NPAS3: variants seen among roughly 807,000 people sequenced by gnomAD.
NPAS3 encodes the protein neuronal PAS domain protein 3.
Under a neutral mutation model 73.1 loss-of-function variants are expected in NPAS3, and 14 were observed. That is an observed-to-expected ratio of 0.19 (90% confidence interval 0.13 to 0.30). The LOEUF is 0.30. NPAS3 is among the 10% of genes least tolerant of loss of function. NPAS3 has a pLI of 1.00. For missense variants in NPAS3, 1,096 were observed against 1,250.0 expected, an observed-to-expected ratio of 0.88 and a Z score of 1.86; for synonymous variants, 620 against 541.5, an observed-to-expected ratio of 1.14 and a Z score of -2.01.
intron 1 of NPAS3, among the ~76,000 whole-genome samples, chr14:32,962,789 C>T (rs2036988184): frequency 6.6e-6 from 1 of 151,052 alleles, no homozygotes; most frequent in Non-Finnish European, 1.5e-5. Flanking sequence ...TCTTGAACTC[C>T]TGACCTCAAG....
At chr14:33,381,470 T>C (rs1476740599) in intron 4 of NPAS3, among the ~76,000 whole-genome samples, 2 of 152,216 alleles carry the variant, frequency 1.3e-5, no homozygotes, top group African/African-American at 4.8e-5. Context: ...GGGGAATTTA[T>C]ATGACTGATT....
chr14:32,984,435 G>T (rs184702907), intron 1 of NPAS3, among the ~76,000 whole-genome samples: 4 of 152,250 alleles, frequency 2.6e-5, no homozygotes, highest in African/African-American at 9.6e-5. Flanking sequence ...GGAAAGAGAT[G>T]AACTGTAACA....
intron 2 of NPAS3, among the ~76,000 whole-genome samples, chr14:33,144,112 T>C (rs1256807255): frequency 1.3e-5 from 2 of 152,234 alleles, no homozygotes; most frequent in African/African-American, 4.8e-5. Context: ...TCATTCCACA[T>C]TTAAGTTTTT....
chr14:33,729,080 A>G (rs529342985), intron 6 of NPAS3, among the ~76,000 whole-genome samples: 15 of 152,318 alleles, frequency 9.8e-5, no homozygotes, highest in African/African-American at 3.6e-4. Context: ...AGACAACAAA[A>G]AACAAGTTAA....
chr14:33,532,103 C>A (rs144882018), intron 4 of NPAS3, among the ~76,000 whole-genome samples: 73 of 152,224 alleles, frequency 4.8e-4, no homozygotes, highest in African/African-American at 1.7e-3. Flanking sequence ...AATGCAGGCC[C>A]ATTCAGAAAC....
intron 1 of NPAS3, among the ~76,000 whole-genome samples, chr14:33,019,004 GT>G (rs1484740618): frequency 1.3e-5 from 2 of 151,758 alleles, no homozygotes; most frequent in Admixed American, 6.6e-5. Flanking sequence ...ACTTCATAAG[GT>G]TATTCATTTT....
At chr14:33,017,323 T>A (rs561698035) in intron 1 of NPAS3, among the ~76,000 whole-genome samples, 29 of 152,084 alleles carry the variant, frequency 1.9e-4, no homozygotes, top group East Asian at 1.7e-3. Flanking sequence ...TTTCCTTTTT[T>A]AAAAAAAATG....
chr14:33,434,822 C>G (rs1269185057), intron 4 of NPAS3, among the ~76,000 whole-genome samples: 1 of 152,166 alleles, frequency 6.6e-6, no homozygotes, highest in Admixed American at 6.5e-5. Context: ...ATTCACTCTT[C>G]TAGCAGAAGA....
At chr14:33,368,711 G>T (rs1169507374) in intron 4 of NPAS3, among the ~76,000 whole-genome samples, 2 of 152,070 alleles carry the variant, frequency 1.3e-5, no homozygotes, top group Non-Finnish European at 2.9e-5. Context: ...AATTACCTTT[G>T]TTACAACCTA....
chr14:33,622,582 T>C (rs1054377869), intron 5 of NPAS3, among the ~76,000 whole-genome samples: 2 of 152,212 alleles, frequency 1.3e-5, no homozygotes, highest in Non-Finnish European at 2.9e-5. Context: ...ATGATATGAA[T>C]GTTGTAGCAT....
intron 4 of NPAS3, among the ~76,000 whole-genome samples, chr14:33,505,640 G>A (rs371548220): frequency 1.3e-5 from 2 of 151,962 alleles, no homozygotes; most frequent in East Asian, 3.9e-4. Flanking sequence ...TCAGCAAGCT[G>A]TATTTGTCTT....
rs11301234 is a variant in NPAS3 at position 33,058,825 on chromosome 14, TG to T, written c.140+2832del. Among the ~76,000 whole-genome samples, 206 of 152,342 alleles carry T rather than the reference TG, an allele frequency of 1.4e-3. 2 individuals are homozygous for T. The highest frequency in any genetic ancestry group is 6.8e-3 in the Middle Eastern group (2 of 294). On this transcript the variant is annotated intron_variant, in intron 2 of 11. Coordinates refer to ENST00000356141, the Ensembl canonical transcript of NPAS3. Reference sequence around the variant, plus strand: ...CATATCCAAAAAGAATGGAAGCCACTGTGATAGAGTTGAGTAGGTAAATGTA... The same window carrying T: ...CATATCCAAAAAGAATGGAAGCCACTTGATAGAGTTGAGTAGGTAAATGTA...
At chr14:33,673,391 G>A (rs1372429296) in intron 5 of NPAS3, among the ~76,000 whole-genome samples, 2 of 152,200 alleles carry the variant, frequency 1.3e-5, no homozygotes, top group African/African-American at 4.8e-5. Context: ...ACAAAAATTA[G>A]TACTTTTTGC....
At chr14:33,298,658 T>C (rs764064375) in intron 3 of NPAS3, among the ~76,000 whole-genome samples, 2 of 152,240 alleles carry the variant, frequency 1.3e-5, no homozygotes, top group Non-Finnish European at 2.9e-5. Context: ...TTTGGGTATC[T>C]ACTATGCACA....
chr14:33,057,640 T>C (rs974667262), intron 2 of NPAS3, among the ~76,000 whole-genome samples: 1 of 152,222 alleles, frequency 6.6e-6, no homozygotes, highest in Non-Finnish European at 1.5e-5. Context: ...CCCTGCTAGC[T>C]GTAGGAATCA....
chr14:33,591,918 A>G (rs564074076), intron 5 of NPAS3, among the ~76,000 whole-genome samples: 1 of 152,336 alleles, frequency 6.6e-6, no homozygotes, highest in African/African-American at 2.4e-5. Flanking sequence ...AACCATGTGC[A>G]TCTTGAGAAT....
intron 8 of NPAS3, among the ~76,000 whole-genome samples, chr14:33,776,455 C>T (rs777740406): frequency 5.0e-5 from 7 of 138,630 alleles, no homozygotes; most frequent in Admixed American, 8.0e-5. Flanking sequence ...ACCCGAGTGC[C>T]TCATGGTGCC....
In NPAS3 at chr14:32,989,732, C is replaced by T. The variant is rs531767820; in HGVS notation, c.50+50366C>T. Among the ~76,000 whole-genome samples the T allele has an allele frequency of 1.6e-4, 24 of 152,342 alleles. No homozygotes were observed. In the South Asian group the frequency reaches 4.6e-3, roughly 29 times the overall value. ...GAATTTTGACCATTATTTTCTACTTCCTATCACAATACCTGTGAATTGAAT... is the reference window on the plus strand; with the variant it reads ...GAATTTTGACCATTATTTTCTACTTTCTATCACAATACCTGTGAATTGAAT... On this transcript the variant is annotated intron_variant, in intron 1 of 11. Coordinates refer to ENST00000356141, the Ensembl canonical transcript of NPAS3.
chr14:33,683,427 CAAAAAAAAAAAA>C (rs1176606241), intron 6 of NPAS3, among the ~76,000 whole-genome samples: 7 of 77,524 alleles, frequency 9.0e-5, no homozygotes, highest in South Asian at 1.4e-3. Context: ...TTCCTCATTT[CAAAAAAAAAAAA>C]AAAAAAAAAA....
Sources: allele counts gnomAD v4.1 joint callset (sites outside exome capture counted in the v4.1 genomes callset), GRCh38; gene constraint gnomAD v4.1.1; transcripts MANE v1.5; gene names NCBI Gene and HGNC (gene_info 2026-07-23, HGNC 2026-07-21).